Variants in SCFD2 observed in about 807,000 individuals in gnomAD.
SCFD2 encodes the protein sec1 family domain containing 2.
In SCFD2, 54 loss-of-function variants were observed where a neutral mutation model predicts 58.9. The observed-to-expected ratio is 0.92, with a 90% CI of 0.74 to 1.15. The LOEUF (loss-of-function observed/expected upper bound fraction) is 1.15, where lower values mean the gene tolerates loss of function less well. Ranked by LOEUF, SCFD2 falls within the 50% of genes most tolerant of loss-of-function variation. The pLI, the probability that SCFD2 is intolerant of heterozygous loss-of-function variation, is 0.00. For synonymous variants in SCFD2, 321 were observed against 335.9 expected (o/e 0.96, Z 0.49); for missense variants, 805 against 836.6 (o/e 0.96, Z 0.47).
At chr4:53,290,852 G>C (rs1731816387) in intron 3 of SCFD2, among the ~76,000 whole-genome samples, 1 of 151,986 alleles carries the variant, frequency 6.6e-6, no homozygotes, top group African/African-American at 2.4e-5. Context: ...ATAACCTAGA[G>C]AAAATTGATA....
chr4:53,183,482 A>T (rs1727644806), intron 4 of SCFD2, among the ~76,000 whole-genome samples: 1 of 152,090 alleles, frequency 6.6e-6, no homozygotes, highest in Non-Finnish European at 1.5e-5. Context: ...GAAGGGGAAC[A>T]TCACACACCA....
chr4:53,281,004 T>C (rs1731490722), intron 3 of SCFD2, among the ~76,000 whole-genome samples: 1 of 152,204 alleles, frequency 6.6e-6, no homozygotes, highest in Non-Finnish European at 1.5e-5. Flanking sequence ...TTGAGTACCC[T>C]ATGAAGCACC....
chr4:53,277,959 A>G (rs1301421295), intron 3 of SCFD2, among the ~76,000 whole-genome samples: 1 of 152,062 alleles, frequency 6.6e-6, no homozygotes, highest in Non-Finnish European at 1.5e-5. Context: ...AGGCTGAGGC[A>G]GGAGAATGGC....
chr4:53,351,938 G>T (rs1019826018), intron 2 of SCFD2, among the ~76,000 whole-genome samples: 7 of 152,170 alleles, frequency 4.6e-5, no homozygotes, highest in African/African-American at 1.7e-4. Flanking sequence ...ATAAAAAACA[G>T]ATACACTTAC....
intron 4 of SCFD2, among the ~76,000 whole-genome samples, chr4:53,259,991 G>C (rs1369297702): frequency 6.6e-6 from 1 of 151,306 alleles, no homozygotes; most frequent in Non-Finnish European, 1.5e-5. Flanking sequence ...TTGTTAAGGG[G>C]TTGAGTTCTT....
chr4:53,341,107 GAC>G (rs1251901282), intron 2 of SCFD2, among the ~76,000 whole-genome samples: 2 of 152,242 alleles, frequency 1.3e-5, no homozygotes, highest in Admixed American at 1.3e-4. Context: ...AAGCTGGACA[GAC>G]AATGACTGAC....
At chr4:53,219,929 T>C (rs1446441830) in intron 4 of SCFD2, among the ~76,000 whole-genome samples, 1 of 152,132 alleles carries the variant, frequency 6.6e-6, no homozygotes, top group East Asian at 1.9e-4. Context: ...AGTCATCCCC[T>C]CCACTTCCAA....
At chr4:53,177,587 A>T (rs1727380613) in intron 4 of SCFD2, among the ~76,000 whole-genome samples, 1 of 152,234 alleles carries the variant, frequency 6.6e-6, no homozygotes, top group African/African-American at 2.4e-5. Context: ...CAGCGTGAGC[A>T]ATGCAGAAAA....
At chr4:53,271,269 AT>A (rs1340617798) in intron 4 of SCFD2, among the ~76,000 whole-genome samples, 1 of 151,478 alleles carries the variant, frequency 6.6e-6, no homozygotes, top group Non-Finnish European at 1.5e-5. Context: ...TCACTGCATA[AT>A]TTTTCCTAAT....
chr4:53,313,926 T>A (rs1276066785), intron 2 of SCFD2, among the ~76,000 whole-genome samples, 163 bp from the exon 3 acceptor site: 2 of 152,188 alleles, frequency 1.3e-5, no homozygotes, highest in Non-Finnish European at 2.9e-5. Context: ...CTAATTCACA[T>A]AATTGGCAGA....
chr4:53,170,247 ATG>A (rs1404736625), intron 4 of SCFD2, among the ~76,000 whole-genome samples: 1 of 152,168 alleles, frequency 6.6e-6, no homozygotes, highest in African/African-American at 2.4e-5. Context: ...ATTCTTTTGC[ATG>A]AGATACACAG....
At chr4:53,271,130 C>T (rs1731149044) in intron 4 of SCFD2, among the ~76,000 whole-genome samples, 1 of 151,970 alleles carries the variant, frequency 6.6e-6, no homozygotes, top group Non-Finnish European at 1.5e-5. Flanking sequence ...ACACTTTAGA[C>T]ATTCTGGATA....
At chr4:53,303,434 T>C (rs1005776515) in intron 3 of SCFD2, among the ~76,000 whole-genome samples, 1 of 152,092 alleles carries the variant, frequency 6.6e-6, no homozygotes, top group African/African-American at 2.4e-5. Flanking sequence ...ATGGCAATCA[T>C]TAAAAAGTCA....
intron 7 of SCFD2, among the ~76,000 whole-genome samples, chr4:52,888,305 A>G (rs1718791685): frequency 6.6e-6 from 1 of 152,194 alleles, no homozygotes; most frequent in Non-Finnish European, 1.5e-5. Context: ...AAGGACAGAG[A>G]GAAGAGAGAG....
chr4:52,929,945 T>C (rs1375458566), intron 5 of SCFD2, among the ~76,000 whole-genome samples: 1 of 152,184 alleles, frequency 6.6e-6, no homozygotes, highest in African/African-American at 2.4e-5. Flanking sequence ...AAGTAATTTA[T>C]AGATTCAGCT....
intron 5 of SCFD2, among the ~76,000 whole-genome samples, chr4:53,096,686 C>T (rs1335719645): frequency 2.6e-5 from 4 of 152,132 alleles, no homozygotes; most frequent in African/African-American, 9.7e-5. Context: ...TTGATGATAG[C>T]TTCTTTTGCT....
intron 5 of SCFD2, among the ~76,000 whole-genome samples, chr4:53,115,485 A>C (rs1470405148): frequency 6.6e-6 from 1 of 152,160 alleles, no homozygotes; most frequent in South Asian, 2.1e-4. Flanking sequence ...GAATTAATGA[A>C]TGTCAGTGAG....
At chr4:53,334,728 G>A (rs1315857518) in intron 2 of SCFD2, among the ~76,000 whole-genome samples, 1 of 151,958 alleles carries the variant, frequency 6.6e-6, no homozygotes, top group Non-Finnish European at 1.5e-5. Flanking sequence ...ATGTGCACAT[G>A]TACCCTAAAA....
intron 5 of SCFD2, among the ~76,000 whole-genome samples, chr4:53,055,459 G>C (rs868863297): frequency 6.6e-6 from 1 of 152,136 alleles, no homozygotes; most frequent in Non-Finnish European, 1.5e-5. Context: ...TGATGCCTGG[G>C]AGTCCTGAGG....
Sources: allele counts gnomAD v4.1 joint callset (sites outside exome capture counted in the v4.1 genomes callset), GRCh38; gene constraint gnomAD v4.1.1; transcripts MANE v1.5; gene names NCBI Gene and HGNC (gene_info 2026-07-23, HGNC 2026-07-21).